LOXHD1: variants seen among roughly 807,000 people sequenced by gnomAD.
LOXHD1 encodes the protein lipoxygenase homology PLAT domains 1.
LOXHD1 carries 205 observed loss-of-function variants against 248.2 expected under a neutral mutation model. The ratio of observed to expected loss-of-function variants is 0.83; its 90% confidence interval spans 0.74 to 0.93. The LOEUF (loss-of-function observed/expected upper bound fraction) is 0.93. Among genes scored for constraint, LOXHD1 ranks in the 40% least tolerant of loss-of-function variants. The probability of loss-of-function intolerance (pLI) is 0.00; values close to 1 mark genes in which losing one functional copy is unlikely to be tolerated. For synonymous variants in LOXHD1, 1,113 were observed against 1,162.8 expected (o/e 0.96, Z 0.87); for missense variants, 2,930 against 2,971.6 (o/e 0.99, Z 0.33).
intron 39 of LOXHD1, among the ~76,000 whole-genome samples, chr18:46,484,202 G>C (rs916122229): frequency 6.6e-6 from 1 of 152,106 alleles, no homozygotes; most frequent in East Asian, 1.9e-4. Context: ...CAGCCTGTGG[G>C]GGTAAGTGCC....
At chr18:46,633,644 T>G (rs959654707) in intron 4 of LOXHD1, among the ~76,000 whole-genome samples, 1 of 152,214 alleles carries the variant, frequency 6.6e-6, no homozygotes, top group Non-Finnish European at 1.5e-5. Flanking sequence ...TTAAAACTTT[T>G]GGGCATCAGT....
chr18:46,650,112 G>A (rs949364082), intron 1 of LOXHD1, among the ~76,000 whole-genome samples: 2 of 152,002 alleles, frequency 1.3e-5, no homozygotes, highest in African/African-American at 4.8e-5. Flanking sequence ...CATCCCCTCC[G>A]CCAAGAGCAG....
intron 37 of LOXHD1, among the ~76,000 whole-genome samples, chr18:46,496,050 C>T (rs183439699): frequency 6.2e-4 from 95 of 152,192 alleles, no homozygotes; most frequent in Non-Finnish European, 7.4e-5. Flanking sequence ...TAAATAGGAA[C>T]ACACTATGTT....
At chr18:46,550,132 C>T (rs932676425) in intron 21 of LOXHD1, among the ~76,000 whole-genome samples, 1 of 152,214 alleles carries the variant, frequency 6.6e-6, no homozygotes, top group African/African-American at 2.4e-5. Context: ...TAATTAAAGA[C>T]AACGTACTCC....
chr18:46,635,206 C>T (rs558201465), intron 4 of LOXHD1, among the ~76,000 whole-genome samples: 1 of 152,136 alleles, frequency 6.6e-6, no homozygotes, highest in African/African-American at 2.4e-5. Flanking sequence ...CTGGAACAGA[C>T]AAGCAGAAGC....
At chr18:46,516,223 T>C (rs1178853796) in intron 34 of LOXHD1, among the ~76,000 whole-genome samples, 1 of 152,178 alleles carries the variant, frequency 6.6e-6, no homozygotes, top group South Asian at 2.1e-4. Flanking sequence ...CTCAGGCATC[T>C]TACTGGTGGA....
At chr18:46,608,700 T>C (rs1568214841) in intron 6 of LOXHD1, among the ~76,000 whole-genome samples, 1 of 152,202 alleles carries the variant, frequency 6.6e-6, no homozygotes, top group Non-Finnish European at 1.5e-5. Flanking sequence ...CAAGCAGCAG[T>C]TCCACTTAGC....
chr18:46,645,001 A>T (rs368477558), intron 2 of LOXHD1, among the ~76,000 whole-genome samples: 10 of 152,300 alleles, frequency 6.6e-5, no homozygotes, highest in Admixed American at 1.3e-4. Flanking sequence ...ATGGACACCA[A>T]TCTCTTTTTG....
At chr18:46,610,626 A>T in intron 6 of LOXHD1, 150 bp downstream of exon 6, 2 of 800,456 alleles carry the variant, frequency 2.5e-6, no homozygotes, top group Non-Finnish European at 3.7e-6. Context: ...GGCCATAAGG[A>T]GGACAGAATG....
At chr18:46,649,033 C>T (rs543090662) in intron 2 of LOXHD1, 122 bp downstream of exon 2, 37 of 786,318 alleles carry the variant, frequency 4.7e-5, no homozygotes, top group Non-Finnish European at 7.4e-5. Flanking sequence ...AGGCTTCATA[C>T]CACTTAATAA....
At chr18:46,648,877 A>C (rs1329757264) in intron 2 of LOXHD1, among the ~76,000 whole-genome samples, 1 of 152,200 alleles carries the variant, frequency 6.6e-6, no homozygotes, top group African/African-American at 2.4e-5. Context: ...ACACGGAACT[A>C]AGGAACAGCT....
At chr18:46,558,334 AT>A (rs1269268546) in intron 20 of LOXHD1, among the ~76,000 whole-genome samples, 2 of 152,244 alleles carry the variant, frequency 1.3e-5, no homozygotes, top group Admixed American at 1.3e-4. Flanking sequence ...GAACAAGGAT[AT>A]TCTCATATAA....
At chr18:46,532,449 A>G (rs1223423708) in intron 28 of LOXHD1, among the ~76,000 whole-genome samples, 3 of 152,188 alleles carry the variant, frequency 2.0e-5, no homozygotes, top group African/African-American at 7.2e-5. Context: ...GGAGAAGAGA[A>G]GGCTGAGGAC....
chr18:46,495,655 G>A (rs970735222), intron 37 of LOXHD1, among the ~76,000 whole-genome samples: 2 of 152,046 alleles, frequency 1.3e-5, no homozygotes, highest in Non-Finnish European at 2.9e-5. Context: ...TCAGTATACA[G>A]TACTAAGGAA....
At chr18:46,629,522 A>G (rs1202894615) in intron 4 of LOXHD1, among the ~76,000 whole-genome samples, 3 of 152,026 alleles carry the variant, frequency 2.0e-5, no homozygotes, top group Admixed American at 6.6e-5. Context: ...TACGTTAATC[A>G]CCATCCCTTT....
chr18:46,557,858 G>GGT (rs2037407520), intron 20 of LOXHD1: 12 of 1,234,400 alleles, frequency 9.7e-6, no homozygotes, highest in Non-Finnish European at 1.2e-5. Flanking sequence ...AATGTGTGCA[G>GGT]GTGTGTGCAT....
chr18:46,541,239 A>C (rs971981687), intron 25 of LOXHD1, among the ~76,000 whole-genome samples: 1 of 152,034 alleles, frequency 6.6e-6, no homozygotes, highest in Non-Finnish European at 1.5e-5. Context: ...AATTACATTC[A>C]CCTTTTTTTT....
At chr18:46,542,938 C>A (rs1403737018) in intron 23 of LOXHD1, 83 bp from the exon 24 acceptor site, 2 of 1,517,896 alleles carry the variant, frequency 1.3e-6, no homozygotes, top group Non-Finnish European at 1.8e-6. Flanking sequence ...AATCCCTTTT[C>A]AAAATGACCA....
At chr18:46,534,267 G>C (rs2036207198) in intron 27 of LOXHD1, 68 bp downstream of exon 27, 1 of 1,108,248 alleles carries the variant, frequency 9.0e-7, no homozygotes, top group East Asian at 2.6e-5. Context: ...TCCTCACAGG[G>C]AATTTGCCTT....
Sources: gnomAD v4.1 joint callset for allele counts (sites outside exome capture counted in the v4.1 genomes callset) on GRCh38, gnomAD v4.1.1 for gene constraint, MANE v1.5 for transcripts, NCBI Gene and HGNC (gene_info 2026-07-23, HGNC 2026-07-21) for gene names.